Variants in EPOR observed in about 807,000 individuals in gnomAD.
EPOR encodes erythropoietin receptor.
Under a neutral mutation model 34.3 loss-of-function variants are expected in EPOR, and 20 were observed. That is an observed-to-expected ratio of 0.58 (90% confidence interval 0.41 to 0.85). The LOEUF is 0.85. Ranked by LOEUF, EPOR falls within the 40% of genes least tolerant of loss-of-function variation. The pLI, the probability that EPOR is intolerant of heterozygous loss-of-function variation, is 0.00. For synonymous variants in EPOR, 312 were observed against 299.0 expected (o/e 1.04, Z -0.45); for missense variants, 601 against 672.7 (o/e 0.89, Z 1.18).
chr19:11,378,167 G>T lies in EPOR; in HGVS notation c.1344C>A (p.Thr448=). The T allele has an allele frequency of 6.2e-7, 1 of 1,614,112 alleles. No individual in the cohort carries two copies. The highest frequency in any genetic ancestry group is 8.5e-7 in the Non-Finnish European group (1 of 1,180,012). The change falls in exon 8 of 8, where the codon ACC becomes ACA. Residue 448 remains threonine, a synonymous_variant. Transcript: ENST00000222139. The surrounding 1 kb of genome is among the most constrained non-coding windows in gnomAD (Gnocchi z 5.3). The part of the protein sequence containing the change: ...PWTLCPELPP[T]PPHLKYLYLV... ...GGTACAGGTACTTTAGGTGGGGTGG[G>T]GTAGGGGGCAGCTCAGGGCACAGTG...
chr19:11,382,953 G>C (rs1276697112), intron 2 of EPOR, 144 bp downstream of exon 2: 3 of 1,562,286 alleles, frequency 1.9e-6, no homozygotes, highest in Non-Finnish European at 2.6e-6. Context: ...GCCAGCCCTG[G>C]ACCCGCAGGT....
chr19:11,382,537 A>G (rs1265917657), intron 2 of EPOR, among the ~76,000 whole-genome samples: 1 of 151,734 alleles, frequency 6.6e-6, no homozygotes, highest in East Asian at 1.9e-4. Context: ...CTAATTTTGT[A>G]TTTTTAGTAG....
chr19:11,379,899 C>T (rs1374062420), intron 6 of EPOR, among the ~76,000 whole-genome samples: 1 of 152,188 alleles, frequency 6.6e-6, no homozygotes. Flanking sequence ...TGGGGTTTCT[C>T]CATGTTGGTC....
In EPOR at chr19:11,382,022, G is replaced by T. The variant is rs373833534; in HGVS notation, c.335C>A (p.Ala112Asp). ...AVRFWCSLPTADTSSFVPLEL... is the reference protein window; with the variant it reads ...AVRFWCSLPTDDTSSFVPLEL... ...TAGGGGCACGAAGCTCGACGTGTCG[G>T]CTGTAGGCAGCGAACACCAGAAGCG... is the stretch of plus-strand genomic sequence containing the variant. The change falls in exon 3 of 8, where the codon GCC (alanine) becomes GAC (aspartate). Residue 112 changes from alanine (A) to aspartate (D), a missense_variant. Physicochemically the swap from Ala to Asp is moderately radical, Grantham distance 126. Transcript: ENST00000222139. 1.2e-6 allele frequency: 2 copies of T among 1,614,088 alleles called. No homozygotes were observed. Among genetic ancestry groups the T allele is most frequent in the African/African-American group, 2.7e-5 (2 of 74,946 alleles).
Position 11,384,283 on chromosome 19 carries a change from T to C in EPOR, c.-76A>G. 1 of 1,006,598 alleles carries C rather than the reference T, an allele frequency of 9.9e-7. No homozygotes were observed. Among genetic ancestry groups the C allele is most frequent in the Non-Finnish European group, 1.5e-6 (1 of 664,622 alleles). 62.4% of individuals were successfully genotyped at this position (1,006,598 alleles called of 1,614,324 possible). A position where few individuals can be genotyped will look rare whatever the true frequency, so the allele number is the denominator to read the frequency against. On this transcript the variant is annotated 5_prime_UTR_variant, in exon 1 of 8. Transcript: ENST00000222139. Reference sequence around the variant, plus strand: ...GCCCCCGGCACAGTCCACAGCTGGGTCAGCAGCTGCCTCCGCCGGACGCAG... The same window carrying C: ...GCCCCCGGCACAGTCCACAGCTGGGCCAGCAGCTGCCTCCGCCGGACGCAG...
chr19:11,379,873 G>GT (rs1568328806), intron 6 of EPOR, among the ~76,000 whole-genome samples: 1 of 152,174 alleles, frequency 6.6e-6, no homozygotes, highest in Non-Finnish European at 1.5e-5. Context: ...GGCTAGTTTT[G>GT]TATTTTTAGT....
In EPOR at chr19:11,378,733, G is replaced by A. The variant is rs766932379; in HGVS notation, c.873C>T (p.Ser291=). The A allele has an allele frequency of 8.7e-6, 14 of 1,614,068 alleles. No individual in the cohort carries two copies. In the South Asian group the frequency reaches 9.9e-5, roughly 11 times the overall value. The change falls in exon 7 of 8, where the codon AGC becomes AGT. Residue 291 remains serine (S), a synonymous_variant. Coordinates refer to ENST00000222139, the MANE Select transcript of EPOR (RefSeq NM_000121.4). The surrounding 1 kb of genome is among the most constrained non-coding windows in gnomAD (Gnocchi z 5.3). ...KIWPGIPSPE[S]EFEGLFTTHK... is the part of the protein sequence containing the mutation. ...GGGTGGTGAAGAGGCCTTCAAACTCGCTCTCTGGGCTCGGGATGCCAGGCC... is the reference window on the plus strand; with the variant it reads ...GGGTGGTGAAGAGGCCTTCAAACTCACTCTCTGGGCTCGGGATGCCAGGCC...
rs1968319514 is a variant in EPOR, at chr19:11,378,835, TC to T, written c.828-58del. 2 of 1,529,286 alleles carry T rather than the reference TC, an allele frequency of 1.3e-6. No homozygotes were observed. Among genetic ancestry groups the T allele is most frequent in the Non-Finnish European group, 1.8e-6 (2 of 1,108,560 alleles). The allele number at this position is 1,529,286 out of a possible 1,614,324, so 94.7% of individuals were successfully genotyped here. On this transcript the variant is annotated intron_variant, in intron 6 of 7. Transcript: ENST00000222139. The surrounding 1 kb of genome is among the most constrained non-coding windows in gnomAD (Gnocchi z 5.3). ...TATGACTCATTGAATACTCACCAAT[TC>T]CCCCTCCACTCCCAGTCATAGAGGC...
Position 11,378,874 on chromosome 19 carries a change from G to T in EPOR, c.828-96C>A. On this transcript the variant is annotated intron_variant, in intron 6 of 7. Coordinates refer to ENST00000222139, the MANE Select transcript of EPOR (RefSeq NM_000121.4). This position sits in a 1 kb window ranked among gnomAD's most constrained non-coding sequence, Gnocchi z 5.3. Reference sequence around the variant, plus strand: ...CAGTCATAGAGGCACAGATACACTTGGTCCCTGTGATCACAATGGAGGCAG... The same window carrying T: ...CAGTCATAGAGGCACAGATACACTTTGTCCCTGTGATCACAATGGAGGCAG... 1 of 1,247,094 alleles carries T rather than the reference G, an allele frequency of 8.0e-7. No homozygotes were observed. The highest frequency in any genetic ancestry group is 1.2e-6 in the Non-Finnish European group (1 of 869,234). The allele number at this position is 1,247,094 out of a possible 1,614,324, so 77.3% of individuals were successfully genotyped here. A position where few individuals can be genotyped will look rare whatever the true frequency, so the allele number is the denominator to read the frequency against.
Position 11,384,138 on chromosome 19 carries a change from A to G in EPOR, c.70T>C (p.Trp24Arg), listed in dbSNP as rs1231342318. Reference protein sequence around the residue: ...SLCLLLAGAAWAPPPNLPDPK... With the variant: ...SLCLLLAGAARAPPPNLPDPK... ...TCCGGGAGGTTAGGCGGGGGCGCCC[A>G]GGCGGCCCCAGCGAGCAGGAGACAA... Residue 24 changes from tryptophan (W) to arginine (R), a missense_variant, in exon 1 of 8, where the codon TGG (tryptophan) becomes CGG (arginine). Trp to Arg is a moderately radical substitution (Grantham distance 101, BLOSUM62 -3). Transcript: ENST00000222139. 1.3e-6 allele frequency: 2 copies of G among 1,549,994 alleles called. No homozygotes were observed. The highest frequency in any genetic ancestry group is 1.7e-6 in the Non-Finnish European group (2 of 1,146,616).
chr19:11,381,375 CAG>C lies in EPOR; in HGVS notation c.586-168_586-167del, dbSNP rs1159122694. The C allele has an allele frequency of 3.2e-5, 25 of 779,944 alleles. No individual in the cohort carries two copies. The highest frequency in any genetic ancestry group is 5.0e-5 in the Non-Finnish European group (24 of 480,136). 48.3% of individuals were successfully genotyped at this position (779,944 alleles called of 1,614,324 possible). A position where few individuals can be genotyped will look rare whatever the true frequency, so the allele number is the denominator to read the frequency against. On this transcript the variant is annotated intron_variant, in intron 4 of 7. Coordinates refer to ENST00000222139, the MANE Select transcript of EPOR (RefSeq NM_000121.4). This position sits in a 1 kb window ranked among gnomAD's most constrained non-coding sequence, Gnocchi z 5.3. ...GAGCCCAAGAAAGCTCAGGGCCAATCAGAGAGAGAGTCTCTGGTACGAAAGGG... is the reference window on the plus strand; with the variant it reads ...GAGCCCAAGAAAGCTCAGGGCCAATCAGAGAGAGTCTCTGGTACGAAAGGG...
At position 11,383,363 on chromosome 19, in the gene EPOR, C is replaced by A. The variant is rs1357282508; in HGVS notation, c.116-131G>T. The A allele has an allele frequency of 2.8e-5, 27 of 971,494 alleles. No homozygotes were observed. The highest frequency in any genetic ancestry group is 1.2e-4 in the South Asian group (7 of 56,748). 60.2% of individuals were successfully genotyped at this position (971,494 alleles called of 1,614,324 possible). A position where few individuals can be genotyped will look rare whatever the true frequency, so the allele number is the denominator to read the frequency against. On this transcript the variant is annotated intron_variant, in intron 1 of 7. Coordinates refer to ENST00000222139, the MANE Select transcript of EPOR (RefSeq NM_000121.4). The surrounding 1 kb of genome is among the most constrained non-coding windows in gnomAD (Gnocchi z 4.9). ...AGCCCCGCCCTGCCATCTTCCCAAG[C>A]GGGTCCCTTGGAGGGGTCCGCAGAG...
Position 11,383,568 on chromosome 19 carries a change from G to C in EPOR, c.116-336C>G. On this transcript the variant is annotated intron_variant, in intron 1 of 7. Transcript: ENST00000222139. The surrounding 1 kb of genome is among the most constrained non-coding windows in gnomAD (Gnocchi z 4.9). Reference sequence around the variant, plus strand: ...ACGCGCGCGGCTGGGGGTGTGTGCGGAGAGGCGGGCCCCCTATCGGCCCCG... The same window carrying C: ...ACGCGCGCGGCTGGGGGTGTGTGCGCAGAGGCGGGCCCCCTATCGGCCCCG... 1 of 295,488 alleles carries C rather than the reference G, an allele frequency of 3.4e-6. No homozygotes were observed. Among genetic ancestry groups the C allele is most frequent in the East Asian group, 7.4e-5 (1 of 13,532 alleles). 18.3% of individuals were successfully genotyped at this position (295,488 alleles called of 1,614,324 possible).
In EPOR at chr19:11,380,878, G is replaced by C; in HGVS notation, c.827+6C>G. 1 of 1,550,398 alleles carries C rather than the reference G, an allele frequency of 6.4e-7. No homozygotes were observed. Among genetic ancestry groups the C allele is most frequent in the Non-Finnish European group, 8.7e-7 (1 of 1,145,772 alleles). ...TCTGGGCCCAGCGCCCAAATGGGGA[G>C]CTCACCGGCGGTGGGAGAGCAGCGC... On this transcript the variant is annotated splice_donor_region_variant and intron_variant, in intron 6 of 7. Transcript: ENST00000222139.
At chr19:11,379,374 G>C (rs984767382) in intron 6 of EPOR, among the ~76,000 whole-genome samples, 46 of 151,674 alleles carry the variant, frequency 3.0e-4, no homozygotes, top group African/African-American at 1.1e-3. Flanking sequence ...CTGAGGTCAG[G>C]AGTTTGAGAC....
Position 11,381,943 on chromosome 19 carries a change from G to A in EPOR, c.414C>T (p.His138=). ...CAGAGCACTTACCTACTTCATTGAT[G>A]TGGATGACACGGTGATATCGCGGAG... ...SGAPRYHRVI[H]INEVVLLDAP... The change falls in exon 3 of 8, where the codon CAC becomes CAT. Residue 138 remains histidine (H), a synonymous_variant. Transcript: ENST00000222139. The surrounding 1 kb of genome is among the most constrained non-coding windows in gnomAD (Gnocchi z 5.3). 6.2e-7 allele frequency: 1 copy of A among 1,614,220 alleles called. No homozygotes were observed. Among genetic ancestry groups the A allele is most frequent in the Non-Finnish European group, 8.5e-7 (1 of 1,180,034 alleles).
rs1187668396 is a variant in EPOR at position 11,378,333 on chromosome 19, T to G, written c.1178A>C (p.Asp393Ala). The change falls in exon 8 of 8, where the codon GAC (aspartate) becomes GCC (alanine). Residue 393 changes from aspartate (D) to alanine (A), a missense_variant. Transcript: ENST00000222139. The surrounding 1 kb of genome is among the most constrained non-coding windows in gnomAD (Gnocchi z 5.3). ...EDLPGPGGSV[D>A]IVAMDEGSEA... is the part of the protein sequence containing the mutation. ...TGAGCCTTCATCCATGGCCACTATG[T>G]CCACACTGCCACCAGGCCCTGGGAG... 6.2e-7 allele frequency: 1 copy of G among 1,613,414 alleles called. No individual in the cohort carries two copies. The highest frequency in any genetic ancestry group is 1.1e-5 in the South Asian group (1 of 91,082).
rs757333864 is a variant in EPOR at position 11,377,903 on chromosome 19, G to A, written c.*81C>T. The A allele has an allele frequency of 1.0e-5, 16 of 1,574,240 alleles. No homozygotes were observed. The highest frequency in any genetic ancestry group is 2.2e-5 in the South Asian group (2 of 90,122). ...TGCCCCTGCTCCTGAGAGAGGCCTC[G>A]CCATCCCTGTTCCATAAGTCTTGAG... On this transcript the variant is annotated 3_prime_UTR_variant, in exon 8 of 8. Coordinates refer to ENST00000222139, the MANE Select transcript of EPOR (RefSeq NM_000121.4).
Position 11,381,454 on chromosome 19 carries a change from C to A in EPOR, c.585+238G>T. 7.5e-6 allele frequency: 5 copies of A among 664,306 alleles called. No individual in the cohort carries two copies. Among genetic ancestry groups the A allele is most frequent in the Admixed American group, 2.9e-5 (1 of 34,992 alleles). 41.2% of individuals were successfully genotyped at this position (664,306 alleles called of 1,614,324 possible). A position where few individuals can be genotyped will look rare whatever the true frequency, so the allele number is the denominator to read the frequency against. ...GCTAGCACTCGTAGAGGGACCCGGG[C>A]GCTAAAGGGGTCTAGGGTTACGGGC... On this transcript the variant is annotated intron_variant, in intron 4 of 7. Coordinates refer to ENST00000222139, the MANE Select transcript of EPOR (RefSeq NM_000121.4). The surrounding 1 kb of genome is among the most constrained non-coding windows in gnomAD (Gnocchi z 5.3).
Sources: allele counts gnomAD v4.1 joint callset (sites outside exome capture counted in the v4.1 genomes callset), GRCh38; gene constraint gnomAD v4.1.1; non-coding constraint Gnocchi (gnomAD v3.1); transcripts MANE v1.5; gene names NCBI Gene and HGNC (gene_info 2026-07-23, HGNC 2026-07-21).